MYO18B: variants seen among roughly 807,000 people sequenced by gnomAD.
MYO18B encodes unconventional myosin-XVIIIb.
In MYO18B, 204 loss-of-function variants were observed where a neutral mutation model predicts 273.0. The ratio of observed to expected loss-of-function variants is 0.75; its 90% CI spans 0.67 to 0.84. The LOEUF is 0.84. Among genes scored for constraint, MYO18B ranks in the 40% least tolerant of loss-of-function variants. MYO18B has a pLI of 0.00. For missense variants in MYO18B, 3,212 were observed against 3,287.6 expected (o/e 0.98, Z 0.56); for synonymous variants, 1,330 against 1,305.7 (o/e 1.02, Z -0.40).
chr22:25,919,670 GT>G (rs935966053), intron 33 of MYO18B, among the ~76,000 whole-genome samples: 2 of 123,512 alleles, frequency 1.6e-5, no homozygotes, highest in Non-Finnish European at 3.5e-5. Flanking sequence ...GTGAGATTGT[GT>G]GTGTGTATGT....
intron 1 of MYO18B, chr22:25,756,514 C>T (rs570042073): frequency 1.4e-4 from 21 of 152,322 alleles, no homozygotes; most frequent in African/African-American, 4.3e-4. Flanking sequence ...TGCCAATTTC[C>T]GTGGTGTAAA....
At chr22:25,949,686 T>A (rs908602321) in intron 36 of MYO18B, among the ~76,000 whole-genome samples, 1 of 152,182 alleles carries the variant, frequency 6.6e-6, no homozygotes, top group Admixed American at 6.5e-5. Flanking sequence ...TGTCTCCACT[T>A]GCGAATCACA....
At chr22:25,787,272 GCACACACACA>G (rs10598069) in intron 11 of MYO18B, among the ~76,000 whole-genome samples, 43,184 of 136,540 alleles carry the variant, frequency 0.32, 6,502 homozygotes, top group Non-Finnish European at 0.33. Flanking sequence ...GCAGGCGCGC[GCACACACACA>G]CACACACACA....
intron 34 of MYO18B, among the ~76,000 whole-genome samples, chr22:25,933,767 T>C (rs560629603): frequency 1.3e-5 from 2 of 152,342 alleles, no homozygotes; most frequent in Admixed American, 6.5e-5. Context: ...GTTTTGGTTA[T>C]GAATAGAGCC....
the MYO18B span, among the ~76,000 whole-genome samples, chr22:26,036,349 C>G: frequency 6.6e-6 from 1 of 152,186 alleles, no homozygotes; most frequent in Admixed American, 6.5e-5. Context: ...TAAGAATCAT[C>G]ATAGCTCCCA....
chr22:26,055,630 T>G, the MYO18B span, among the ~76,000 whole-genome samples: 1 of 152,226 alleles, frequency 6.6e-6, no homozygotes, highest in East Asian at 1.9e-4. Flanking sequence ...TTCTGGTTTA[T>G]CATGAGGCAA....
intron 34 of MYO18B, among the ~76,000 whole-genome samples, chr22:25,932,625 G>A (rs923165951): frequency 1.3e-5 from 2 of 151,920 alleles, no homozygotes; most frequent in Non-Finnish European, 2.9e-5. Flanking sequence ...GGTCAGGCTG[G>A]TCTCAAACTC....
rs2145758797 is a variant in MYO18B at position 25,797,981 on chromosome 22, C to T, written c.2405C>T (p.Ala802Val). ...GAAGATAAACAGAAGGCGGCAGCTG[C>T]CTTTGCCCAGCTCCAGGGTGCCATG... Reference protein sequence around the residue: ...KPEDKQKAAAAFAQLQGAMEM... With the variant: ...KPEDKQKAAAVFAQLQGAMEM... Residue 802 changes from alanine to valine, a missense_variant, in exon 12 of 44, where the codon GCC becomes GTC. Transcript: ENST00000335473. 1 of 1,613,994 alleles carries T rather than the reference C, an allele frequency of 6.2e-7. No individual in the cohort carries two copies. Among genetic ancestry groups the T allele is most frequent in the Non-Finnish European group, 8.5e-7 (1 of 1,179,866 alleles).
At chr22:25,975,858 C>T (rs191333394) in intron 39 of MYO18B, among the ~76,000 whole-genome samples, 107 of 152,280 alleles carry the variant, frequency 7.0e-4, no homozygotes, top group African/African-American at 2.5e-3. Flanking sequence ...ATCATAGTTT[C>T]TCTTTATGCC....
intron 12 of MYO18B, among the ~76,000 whole-genome samples, chr22:25,803,257 C>G (rs549796623): frequency 1.1e-4 from 16 of 152,194 alleles, no homozygotes; most frequent in Non-Finnish European, 2.1e-4. Context: ...GCCACCACGC[C>G]TGGCTGTGAC....
chr22:25,795,635 C>T (rs796467470), intron 11 of MYO18B, among the ~76,000 whole-genome samples: 1 of 152,204 alleles, frequency 6.6e-6, no homozygotes, highest in East Asian at 1.9e-4. Context: ...TTCCGTCCCT[C>T]TGTTTGCTCC....
At chr22:25,801,877 G>C (rs986057053) in intron 12 of MYO18B, among the ~76,000 whole-genome samples, 3 of 152,194 alleles carry the variant, frequency 2.0e-5, no homozygotes, top group Non-Finnish European at 4.4e-5. Context: ...CTAGAGATGG[G>C]ATTTGGACTT....
intron 9 of MYO18B, 121 bp from the exon 10 acceptor site, chr22:25,781,609 CAAAA>C: frequency 6.2e-5 from 17 of 275,454 alleles, no homozygotes; most frequent in Middle Eastern, 1.1e-3. Context: ...GACTCCGTCT[CAAAA>C]AAAAAAAAAA....
intron 25 of MYO18B, among the ~76,000 whole-genome samples, chr22:25,879,976 A>T (rs2091294881): frequency 6.6e-6 from 1 of 152,180 alleles, no homozygotes; most frequent in Non-Finnish European, 1.5e-5. Context: ...CCCATGATCC[A>T]GTCATCTCCC....
chr22:25,796,112 C>A lies in MYO18B; in HGVS notation c.2377-1841C>A, dbSNP rs181450485. On this transcript the variant is annotated intron_variant, in intron 11 of 43. Transcript: ENST00000335473. ...TTGACAAAAGAATTCCCATTCCCGGCTCACTTCCTTTCCACCCAGCAGGCT... is the reference window on the plus strand; with the variant it reads ...TTGACAAAAGAATTCCCATTCCCGGATCACTTCCTTTCCACCCAGCAGGCT... Among the ~76,000 whole-genome samples, 385 of 152,310 alleles carry A rather than the reference C, an allele frequency of 2.5e-3. 2 individuals carry two copies. The highest frequency in any genetic ancestry group is 9.1e-3 in the African/African-American group (377 of 41,564).
rs201710966 is a variant in MYO18B at position 26,013,990 on chromosome 22, AG to A, written c.6470+9136del. 7.5e-3 allele frequency among the ~76,000 whole-genome samples: 1,144 copies of A among 152,226 alleles called. 21 individuals are homozygous for A. The highest frequency in any genetic ancestry group is 0.026 in the African/African-American group (1,092 of 41,530). On this transcript the variant is annotated intron_variant, in intron 42 of 43. Transcript: ENST00000335473. ...CTTAATGGTTTATTTTTATAAGAAA[AG>A]TTCTTAATTTTAATGTAACCCAGTT...
chr22:25,944,282 T>A (rs2092679099), intron 34 of MYO18B, among the ~76,000 whole-genome samples: 1 of 152,136 alleles, frequency 6.6e-6, no homozygotes, highest in African/African-American at 2.4e-5. Flanking sequence ...TCTCAATCCC[T>A]CCCATTTGCC....
Position 26,026,870 on chromosome 22 carries a change from G to T in MYO18B, c.6896G>T (p.Gly2299Val), listed in dbSNP as rs1478451808. The change falls in exon 43 of 44, where the codon GGA (glycine) becomes GTA (valine). Residue 2299 changes from glycine (G) to valine (V), a missense_variant. Gly to Val is a moderately radical substitution (Grantham distance 109). Transcript: ENST00000335473. ...LRRGRAGSDE[G>V]NLSLRVGAKS... The stretch of plus-strand genomic sequence containing the variant: ...AGGGGCAGGGCTGGCAGTGACGAGG[G>T]AAACCTCTCGCTGAGGGTTGGGGCA... 4 of 1,597,186 alleles carry T rather than the reference G, an allele frequency of 2.5e-6. No homozygotes were observed. Among genetic ancestry groups the T allele is most frequent in the African/African-American group, 2.7e-5 (2 of 74,220 alleles).
intron 7 of MYO18B, among the ~76,000 whole-genome samples, chr22:25,776,903 TC>T (rs147538233): frequency 0.26 from 40,157 of 152,088 alleles, 5,945 homozygotes; most frequent in Non-Finnish European, 0.32. Flanking sequence ...GTATGAGAAT[TC>T]CAGTTGCTCC....
Sources: gnomAD v4.1 joint callset for allele counts (sites outside exome capture counted in the v4.1 genomes callset) on GRCh38, gnomAD v4.1.1 for gene constraint, MANE v1.5 for transcripts, NCBI Gene and HGNC (gene_info 2026-07-23, HGNC 2026-07-21) for gene names.